PMFBP1: variants seen among roughly 807,000 people sequenced by gnomAD.
PMFBP1 encodes polyamine-modulated factor 1-binding protein 1.
Under a neutral mutation model 137.8 loss-of-function variants are expected in PMFBP1, and 131 were observed. The ratio of observed to expected loss-of-function variants is 0.95; its 90% confidence interval spans 0.82 to 1.10. PMFBP1 has a LOEUF of 1.10. Ranked by LOEUF, PMFBP1 falls within the 50% of genes least tolerant of loss-of-function variation. PMFBP1 has a pLI of 0.00. For synonymous variants in PMFBP1, 490 were observed against 450.4 expected, an observed-to-expected ratio of 1.09 and a Z score of -1.11; for missense variants, 1,199 against 1,175.4, an observed-to-expected ratio of 1.02 and a Z score of -0.29.
upstream of PMFBP1, among the ~76,000 whole-genome samples, chr16:72,179,776 A>G (rs557099598): frequency 5.7e-4 from 87 of 152,230 alleles, no homozygotes; most frequent in Non-Finnish European, 9.4e-4. Flanking sequence ...TGCTATGGCC[A>G]TTAGCACTAC....
At chr16:72,126,261 C>T (rs1597460486) in intron 14 of PMFBP1, 129 bp from the exon 15 acceptor site, 2 of 991,576 alleles carry the variant, frequency 2.0e-6, no homozygotes, top group Non-Finnish European at 3.0e-6. Context: ...TCCGTGTTAA[C>T]ACTCACATCT....
the PMFBP1 span, among the ~76,000 whole-genome samples, chr16:72,240,912 TGA>T: frequency 1.1e-3 from 160 of 147,482 alleles, no homozygotes; most frequent in African/African-American, 1.9e-3. Flanking sequence ...GGTGTGTGTG[TGA>T]GAGAGAGAGA....
At chr16:72,146,160 A>G (rs2042802995) in intron 5 of PMFBP1, among the ~76,000 whole-genome samples, 2 of 152,232 alleles carry the variant, frequency 1.3e-5, no homozygotes, top group African/African-American at 4.8e-5. Flanking sequence ...GCAGCACATC[A>G]AAAAGCTTAT....
chr16:72,175,320 G>A (rs995908787), upstream of PMFBP1, among the ~76,000 whole-genome samples: 28 of 152,314 alleles, frequency 1.8e-4, no homozygotes, highest in Middle Eastern at 3.4e-3. Context: ...TTGGAGAGAG[G>A]AAGGAAAAGG....
At chr16:72,148,411 C>A (rs2042847675) in intron 5 of PMFBP1, among the ~76,000 whole-genome samples, 1 of 152,024 alleles carries the variant, frequency 6.6e-6, no homozygotes, top group Admixed American at 6.6e-5. Flanking sequence ...AGGAGAAATA[C>A]CTAATGTAAA....
chr16:72,124,651 C>A, intron 17 of PMFBP1, 116 bp downstream of exon 17: 1 of 1,297,844 alleles, frequency 7.7e-7, no homozygotes, highest in Non-Finnish European at 1.1e-6. Flanking sequence ...AGGGGGTGAC[C>A]TTTCCTTTGC....
At chr16:72,171,483 C>T (rs998637794) in intron 1 of PMFBP1, 1 of 465,018 alleles carries the variant, frequency 2.2e-6, no homozygotes, top group African/African-American at 1.9e-5. Context: ...TTCCAGAAAA[C>T]CACTACTTGG....
At chr16:72,191,535 G>A in the PMFBP1 span, among the ~76,000 whole-genome samples, 5 of 152,200 alleles carry the variant, frequency 3.3e-5, no homozygotes, top group Admixed American at 1.3e-4. Flanking sequence ...TAGCTATTTA[G>A]GAGCTCTCCT....
intron 5 of PMFBP1, among the ~76,000 whole-genome samples, chr16:72,144,092 C>CCAAT (rs1323445439): frequency 6.6e-6 from 1 of 151,598 alleles, no homozygotes; most frequent in African/African-American, 2.4e-5. Flanking sequence ...ATTTATAAAA[C>CCAAT]CAATAACAAC....
rs938299743 is a variant in PMFBP1 at position 72,154,457 on chromosome 16, G to A, written c.168C>T (p.Asp56=). 1.2e-6 allele frequency: 2 copies of A among 1,613,524 alleles called. No homozygotes were observed. Among genetic ancestry groups the A allele is most frequent in the African/African-American group, 2.7e-5 (2 of 74,844 alleles). The change falls in exon 4 of 21, where the codon GAC becomes GAT. Residue 56 remains aspartate, a splice_region_variant and synonymous_variant. Coordinates refer to ENST00000237353, the MANE Select transcript of PMFBP1 (RefSeq NM_031293.3). ...CMEEAMNSSH[D]KKQAQALAFE... Reference sequence around the variant, plus strand: ...ATGCTAATGCCTGTGCTTGCTTCTTGTCCTACCATAGAGACAGGATATACA... The same window carrying A: ...ATGCTAATGCCTGTGCTTGCTTCTTATCCTACCATAGAGACAGGATATACA...
intron 18 of PMFBP1, 65 bp downstream of exon 18, chr16:72,123,481 C>G (rs970590967): frequency 1.1e-5 from 16 of 1,403,818 alleles, no homozygotes; most frequent in Non-Finnish European, 1.5e-5. Flanking sequence ...ATCTTTGGCA[C>G]GCATGTGGCT....
In PMFBP1 at chr16:72,136,384, T is replaced by C. The variant is rs147812773; in HGVS notation, c.1203+64A>G. 701 of 1,560,952 alleles carry C rather than the reference T, an allele frequency of 4.5e-4. 5 individuals are homozygous for C. The highest frequency in any genetic ancestry group is 1.6e-3 in the South Asian group (135 of 83,618). On this transcript the variant is annotated intron_variant, in intron 9 of 20. Transcript: ENST00000237353. ...AATGGTGGGTGAAGGCAGAACCGGT[T>C]AATGCCAGGACATGGCCTCACACCT...
upstream of PMFBP1, among the ~76,000 whole-genome samples, chr16:72,177,831 G>C (rs1241319192): frequency 2.0e-5 from 3 of 152,040 alleles, no homozygotes; most frequent in Non-Finnish European, 4.4e-5. Flanking sequence ...TCCGTGACTT[G>C]GACACTTTTA....
At chr16:72,235,143 T>C in the PMFBP1 span, among the ~76,000 whole-genome samples, 1 of 152,148 alleles carries the variant, frequency 6.6e-6, no homozygotes, top group Non-Finnish European at 1.5e-5. Flanking sequence ...GCTCCTATGT[T>C]TTCTTCTGAG....
chr16:72,231,571 T>C, the PMFBP1 span, among the ~76,000 whole-genome samples: 4 of 152,186 alleles, frequency 2.6e-5, no homozygotes, highest in African/African-American at 9.7e-5. Context: ...AGATTAGTGA[T>C]TCTCAAACTG....
At chr16:72,192,003 G>A in the PMFBP1 span, among the ~76,000 whole-genome samples, 19 of 152,308 alleles carry the variant, frequency 1.2e-4, no homozygotes, top group Admixed American at 7.8e-4. Context: ...GATCAAATGC[G>A]TGTGTGTGAT....
chr16:72,144,466 C>T (rs1385130353), intron 5 of PMFBP1, among the ~76,000 whole-genome samples: 1 of 152,096 alleles, frequency 6.6e-6, no homozygotes, highest in African/African-American at 2.4e-5. Flanking sequence ...CAGAGAAGGT[C>T]CCGTGTACAG....
At chr16:72,194,152 T>C in the PMFBP1 span, among the ~76,000 whole-genome samples, 1 of 152,218 alleles carries the variant, frequency 6.6e-6, no homozygotes, top group Non-Finnish European at 1.5e-5. Flanking sequence ...TTACATATTG[T>C]ACCATGTTTT....
rs532227315 is a variant in PMFBP1 at position 72,165,422 on chromosome 16, T to C, written c.13-506A>G. ...GTGCTTTTCTTTTCTTTCTTTCTTT[T>C]TTTTTTTTTTGAGACGGAGACTTGC... On this transcript the variant is annotated intron_variant, in intron 2 of 20. Transcript: ENST00000237353. Among the ~76,000 whole-genome samples, 6 of 151,632 alleles carry C rather than the reference T, an allele frequency of 4.0e-5. No individual in the cohort carries two copies. The East Asian group carries it at 5.8e-4, about 15-fold the overall frequency.
Sources: gnomAD v4.1 joint callset for allele counts (sites outside exome capture counted in the v4.1 genomes callset) on GRCh38, gnomAD v4.1.1 for gene constraint, MANE v1.5 for transcripts, NCBI Gene and HGNC (gene_info 2026-07-23, HGNC 2026-07-21) for gene names.